The following MCU variants were observed in gnomAD, a reference collection of about 807,000 sequenced individuals.
MCU encodes the protein calcium uniporter protein, mitochondrial.
A neutral mutation model predicts 45.2 loss-of-function variants in MCU; 12 were observed. The ratio of observed to expected loss-of-function variants is 0.27; its 90% confidence interval spans 0.17 to 0.43. MCU has a LOEUF of 0.43. Ranked by LOEUF, MCU falls within the 20% of genes least tolerant of loss-of-function variation. MCU has a pLI of 1.00. For missense variants in MCU, 324 were observed against 436.7 expected, an observed-to-expected ratio of 0.74 and a Z score of 2.30; for synonymous variants, 160 against 165.1, an observed-to-expected ratio of 0.97 and a Z score of 0.24.
chr10:72,792,157 G>C (rs1335961290), intron 1 of MCU, among the ~76,000 whole-genome samples: 1 of 152,230 alleles, frequency 6.6e-6, no homozygotes, highest in African/African-American at 2.4e-5. Flanking sequence ...ACCAAGCAAG[G>C]AGGACCGGGC....
Position 72,801,740 on chromosome 10 carries a change from T to C in MCU, c.151-32619T>C, listed in dbSNP as rs137916267. On this transcript the variant is annotated intron_variant, in intron 1 of 7. Coordinates refer to ENST00000373053, the MANE Select transcript of MCU (RefSeq NM_138357.3). Reference sequence around the variant, plus strand: ...AGGTTGGAGTGCAGTGGTGTGATCTTGGCTCACTGCAACCTCTACCTCCCA... The same window carrying C: ...AGGTTGGAGTGCAGTGGTGTGATCTCGGCTCACTGCAACCTCTACCTCCCA... Among the ~76,000 whole-genome samples the C allele has an allele frequency of 5.7e-3, 869 of 151,230 alleles. 11 individuals carry two copies. Among genetic ancestry groups the C allele is most frequent in the African/African-American group, 0.02 (819 of 41,110 alleles).
At position 72,849,275 on chromosome 10, in the gene MCU, CAAAAAAAA is replaced by C. The variant is rs60515928; in HGVS notation, c.221-9889_221-9882del. 3.9e-3 allele frequency among the ~76,000 whole-genome samples: 424 copies of C among 109,718 alleles called. 3 individuals are homozygous for C. Among genetic ancestry groups the C allele is most frequent in the African/African-American group, 0.014 (401 of 29,374 alleles). The allele number at this position is 109,718 out of a possible 152,430, so 72.0% of individuals were successfully genotyped here. ...CAGCGTGGGTGATAGAGCAAGACTC[CAAAAAAAA>C]AAAAAAAAAAAATCGAATGAAAGCA... On this transcript the variant is annotated intron_variant, in intron 2 of 7. Coordinates refer to ENST00000373053, the MANE Select transcript of MCU (RefSeq NM_138357.3).
chr10:72,882,894 C>T (rs1845726550), intron 6 of MCU, among the ~76,000 whole-genome samples: 2 of 152,228 alleles, frequency 1.3e-5, no homozygotes, highest in South Asian at 2.1e-4. Context: ...TGTGATGTCC[C>T]CCCCGGATGC....
intron 2 of MCU, among the ~76,000 whole-genome samples, chr10:72,840,005 C>T (rs1415057534): frequency 6.7e-6 from 1 of 149,740 alleles, no homozygotes; most frequent in East Asian, 1.9e-4. Flanking sequence ...CTGGCATTTG[C>T]CTGTAAGTCT....
chr10:72,847,058 G>A (rs572511817), intron 2 of MCU, among the ~76,000 whole-genome samples: 3 of 152,272 alleles, frequency 2.0e-5, no homozygotes, highest in African/African-American at 7.2e-5. Flanking sequence ...TGCAACCTCC[G>A]CCTCCCGGGT....
Position 72,759,164 on chromosome 10 carries a change from C to T in MCU, c.150+66863C>T, listed in dbSNP as rs190787043. Among the ~76,000 whole-genome samples, 64 of 152,244 alleles carry T rather than the reference C, an allele frequency of 4.2e-4. 1 individual carries two copies. The highest frequency in any genetic ancestry group is 1.3e-3 in the Admixed American group (20 of 15,290). ...AAGGGGTTTATTCGGCCAGGGTTAT[C>T]GGCAAGACTCCTGTCTCGAGAGCCT... On this transcript the variant is annotated intron_variant, in intron 1 of 7. Transcript: ENST00000373053.
intron 1 of MCU, among the ~76,000 whole-genome samples, chr10:72,803,472 C>G (rs1367081136): frequency 4.0e-5 from 6 of 151,784 alleles, no homozygotes; most frequent in Non-Finnish European, 7.4e-5. Context: ...CAGTAGTGTC[C>G]TCTGCTATTA....
intron 1 of MCU, chr10:72,692,896 T>TG (rs773556405): frequency 1.6e-5 from 24 of 1,484,294 alleles, no homozygotes; most frequent in Non-Finnish European, 2.0e-5. Context: ...TGTGTGTGCA[T>TG]GGGGAACCGG....
intron 1 of MCU, among the ~76,000 whole-genome samples, chr10:72,719,684 A>G (rs1337190264): frequency 1.3e-5 from 2 of 151,996 alleles, no homozygotes; most frequent in African/African-American, 4.8e-5. Context: ...TCTTATTGTC[A>G]CTTTTGGTTT....
At chr10:72,741,022 T>G (rs1008945571) in intron 1 of MCU, among the ~76,000 whole-genome samples, 7 of 152,148 alleles carry the variant, frequency 4.6e-5, no homozygotes, top group Non-Finnish European at 1.0e-4. Flanking sequence ...TAAACACAAT[T>G]AACAATCTTT....
intron 1 of MCU, chr10:72,766,484 A>G (rs1843728722): frequency 6.6e-6 from 1 of 152,182 alleles, no homozygotes; most frequent in Non-Finnish European, 1.5e-5. Context: ...TAGATCATTG[A>G]AGTCATGAAT....
chr10:72,847,054 C>T (rs1286865705), intron 2 of MCU, among the ~76,000 whole-genome samples: 13 of 152,212 alleles, frequency 8.5e-5, no homozygotes, highest in Admixed American at 8.5e-4. Context: ...TCACTGCAAC[C>T]TCCGCCTCCC....
intron 1 of MCU, among the ~76,000 whole-genome samples, chr10:72,749,128 G>T (rs544989670): frequency 8.1e-5 from 12 of 148,246 alleles, no homozygotes; most frequent in African/African-American, 2.2e-4. Flanking sequence ...AAAAAATGTT[G>T]TTTTTTTTTT....
chr10:72,708,411 G>A (rs1842850161), intron 1 of MCU: 1 of 152,220 alleles, frequency 6.6e-6, no homozygotes, highest in African/African-American at 2.4e-5. Flanking sequence ...ATTCTGAGTT[G>A]TACCTTGCCA....
At chr10:72,735,309 T>C (rs1475098310) in intron 1 of MCU, among the ~76,000 whole-genome samples, 1 of 152,110 alleles carries the variant, frequency 6.6e-6, no homozygotes, top group African/African-American at 2.4e-5. Context: ...ACTGAAAGAA[T>C]TGACTGAATT....
At chr10:72,837,331 A>G (rs1364440243) in intron 2 of MCU, among the ~76,000 whole-genome samples, 1 of 152,136 alleles carries the variant, frequency 6.6e-6, no homozygotes, top group South Asian at 2.1e-4. Flanking sequence ...AGACCAAACC[A>G]TGGAACAAAC....
intron 1 of MCU, among the ~76,000 whole-genome samples, chr10:72,704,622 C>T (rs762852748): frequency 5.3e-5 from 8 of 151,238 alleles, no homozygotes; most frequent in Admixed American, 6.6e-5. Context: ...ACTGTAGCCT[C>T]GAACTCCTGA....
chr10:72,763,965 T>C (rs989983259), intron 1 of MCU, among the ~76,000 whole-genome samples: 4 of 152,140 alleles, frequency 2.6e-5, no homozygotes, highest in Non-Finnish European at 4.4e-5. Context: ...GAATGAACCT[T>C]GATTAAAGTC....
At chr10:72,805,151 C>CTTTCTTTCTT (rs1844421746) in intron 1 of MCU, among the ~76,000 whole-genome samples, 1 of 139,676 alleles carries the variant, frequency 7.2e-6, no homozygotes, top group Admixed American at 7.2e-5. Context: ...TTCTTTCTTT[C>CTTTCTTTCTT]TTTCTTTCTG....
Sources: gnomAD v4.1 joint callset for allele counts (sites outside exome capture counted in the v4.1 genomes callset) on GRCh38, gnomAD v4.1.1 for gene constraint, MANE v1.5 for transcripts, NCBI Gene and HGNC (gene_info 2026-07-23, HGNC 2026-07-21) for gene names.